MVB12A: variants seen among roughly 807,000 people sequenced by gnomAD.
MVB12A encodes CIN85/CD2AP family binding protein.
MVB12A carries 30 observed loss-of-function variants against 34.3 expected under a neutral mutation model. That is an observed-to-expected ratio of 0.88 (90% CI 0.65 to 1.19). The LOEUF (loss-of-function observed/expected upper bound fraction) is 1.19. MVB12A is among the 50% of genes most tolerant of loss of function. The pLI, the probability that MVB12A is intolerant of heterozygous loss-of-function variation, is 0.00. For missense variants in MVB12A, 355 were observed against 369.2 expected, an observed-to-expected ratio of 0.96 and a Z score of 0.31; for synonymous variants, 158 against 158.9, an observed-to-expected ratio of 0.99 and a Z score of 0.04.
At position 17,424,928 on chromosome 19, in the gene MVB12A, C is replaced by T; in HGVS notation, c.760-3C>T. On this transcript the variant is annotated splice_region_variant and splice_polypyrimidine_tract_variant and intron_variant, in intron 8 of 8. Transcript: ENST00000317040. Reference sequence around the variant, plus strand: ...GTTCACTCTCTCTCTCCCCATCCCCCAGTATAACTACGGCTTCGTGGTGGA... The same window carrying T: ...GTTCACTCTCTCTCTCCCCATCCCCTAGTATAACTACGGCTTCGTGGTGGA... The T allele has an allele frequency of 6.2e-7, 1 of 1,607,110 alleles. No homozygotes were observed. The highest frequency in any genetic ancestry group is 1.1e-5 in the South Asian group (1 of 90,352).
upstream of MVB12A, chr19:17,420,016 C>CGGGGGGGGGG: frequency 3.4e-6 from 1 of 290,394 alleles, no homozygotes; most frequent in Non-Finnish European, 5.6e-6. Flanking sequence ...GCAATCTCCG[C>CGGGGGGGGGG]CCCCCCCCCC....
chr19:17,420,274 G>A (rs753779719), intron 1 of MVB12A, 39 bp from the exon 2 acceptor site: 2 of 1,554,990 alleles, frequency 1.3e-6, no homozygotes, highest in East Asian at 2.3e-5. Flanking sequence ...CAGTCGCTGT[G>A]GGGTGGGAGT....
intron 8 of MVB12A, 111 bp downstream of exon 8, chr19:17,424,788 C>T (rs978255098): frequency 7.0e-7 from 1 of 1,433,822 alleles, no homozygotes; most frequent in Non-Finnish European, 9.5e-7. Context: ...CCCATCCCCG[C>T]TTTGCCCCAG....
chr19:17,419,478 A>C (rs558336554), upstream of MVB12A: 23 of 152,354 alleles, frequency 1.5e-4, no homozygotes, highest in African/African-American at 5.5e-4. Flanking sequence ...GTTATACCCA[A>C]GATTTCAAAG....
intron 3 of MVB12A, chr19:17,421,181 C>CT (rs10679842): frequency 0.23 from 71,669 of 305,648 alleles, 4,217 homozygotes; most frequent in African/African-American, 0.32. Flanking sequence ...GTTGGCAAAC[C>CT]TTTTTTTTTT....
upstream of MVB12A, among the ~76,000 whole-genome samples, chr19:17,416,066 C>G (rs2074797808): frequency 6.6e-6 from 1 of 152,176 alleles, no homozygotes; most frequent in Non-Finnish European, 1.5e-5. Flanking sequence ...GTTTAAATAA[C>G]AGGCCTTGCC....
chr19:17,419,483 T>A, upstream of MVB12A: 1 of 152,262 alleles, frequency 6.6e-6, no homozygotes, highest in East Asian at 1.9e-4. Context: ...ACCCAAGATT[T>A]CAAAGCTCAT....
At chr19:17,406,350 C>T (rs1294707149) in intron 2 of MVB12A, 2 of 152,220 alleles carry the variant, frequency 1.3e-5, no homozygotes. Context: ...CAGGGCCAGC[C>T]TCAGACACTG....
intron 2 of MVB12A, among the ~76,000 whole-genome samples, chr19:17,411,037 C>T (rs1490613510): frequency 6.8e-6 from 1 of 146,880 alleles, no homozygotes; most frequent in East Asian, 2.1e-4. Context: ...GGCGCGATCT[C>T]CACTCACTGC....
intron 3 of MVB12A, chr19:17,421,198 T>C: frequency 2.6e-6 from 1 of 392,020 alleles, no homozygotes; most frequent in South Asian, 1.8e-5. Flanking sequence ...TTTTTTTTTT[T>C]CTTCAGACGG....
chr19:17,422,295 G>A (rs2145762703), intron 3 of MVB12A, 37 bp from the exon 4 acceptor site: 1 of 1,586,912 alleles, frequency 6.3e-7, no homozygotes, highest in East Asian at 2.3e-5. Flanking sequence ...ACCCCTGCCT[G>A]GCTTCCCTCT....
rs1160673276 is a variant in MVB12A at position 17,422,169 on chromosome 19, T to C, written c.287-163T>C. Reference sequence around the variant, plus strand: ...AGGCTGCATGGAATCCCCTCCTTCATCTATACCATTCATGATTTAACCACT... The same window carrying C: ...AGGCTGCATGGAATCCCCTCCTTCACCTATACCATTCATGATTTAACCACT... On this transcript the variant is annotated intron_variant, in intron 3 of 8. Coordinates refer to ENST00000317040, the MANE Select transcript of MVB12A (RefSeq NM_138401.4). The C allele has an allele frequency of 5.5e-6, 3 of 549,808 alleles. No individual in the cohort carries two copies. The African/African-American group carries it at 5.7e-5, about 10-fold the overall frequency. 34.1% of individuals were successfully genotyped at this position (549,808 alleles called of 1,614,324 possible). A position where few individuals can be genotyped will look rare whatever the true frequency, so the allele number is the denominator to read the frequency against.
At chr19:17,417,758 G>A (rs946842046), upstream of MVB12A, 8 of 204,424 alleles carry the variant, frequency 3.9e-5, no homozygotes, top group East Asian at 1.3e-4. Flanking sequence ...TTCATTTCCC[G>A]ATCCTAGTGT....
rs755815945 is a variant in MVB12A, at chr19:17,420,547, G to A, written c.199G>A (p.Glu67Lys). 3.1e-5 allele frequency: 50 copies of A among 1,613,690 alleles called. 1 individual carries two copies. The South Asian group carries it at 5.2e-4, about 17-fold the overall frequency. ...SSLGSLENPQ[E>K]NVVADIQIVV... ...CCCCTTCCACCCCCAGAACCCGCAG[G>A]AGAACGTGGTGGCCGATATCCAGAT... is the stretch of plus-strand genomic sequence containing the variant. Residue 67 changes from glutamate (E) to lysine (K), a missense_variant, in exon 3 of 9, where the codon GAG becomes AAG. Physicochemically the swap from Glu to Lys is moderately conservative, Grantham distance 56 (BLOSUM62 1). Coordinates refer to ENST00000317040, the MANE Select transcript of MVB12A (RefSeq NM_138401.4).
At position 17,424,629 on chromosome 19, in the gene MVB12A, T is replaced by C; in HGVS notation, c.711T>C (p.Ser237=). 1 of 1,612,694 alleles carries C rather than the reference T, an allele frequency of 6.2e-7. No individual in the cohort carries two copies. The highest frequency in any genetic ancestry group is 8.5e-7 in the Non-Finnish European group (1 of 1,179,514). ...CCACCTCTGCCCGCCAGGCCTTCTCTGCTTTTGGGGACCTGACCATCAAGT... is the reference window on the plus strand; with the variant it reads ...CCACCTCTGCCCGCCAGGCCTTCTCCGCTTTTGGGGACCTGACCATCAAGT... ...EGKSCSPLAF[S]AFGDLTIKSL... is the part of the protein sequence containing the mutation. The change falls in exon 8 of 9, where the codon TCT becomes TCC. Residue 237 remains serine (S), a synonymous_variant. Coordinates refer to ENST00000317040, the MANE Select transcript of MVB12A (RefSeq NM_138401.4).
chr19:17,417,213 C>CTTTTTTTTTTTTGT (rs2074805966), upstream of MVB12A: 1 of 96,548 alleles, frequency 1.0e-5, no homozygotes, highest in African/African-American at 4.6e-5. Flanking sequence ...TCACCCAGAG[C>CTTTTTTTTTTTTGT]TTTTTTTTTT....
At chr19:17,411,596 G>T (rs1445780180) in intron 2 of MVB12A, among the ~76,000 whole-genome samples, 2 of 151,438 alleles carry the variant, frequency 1.3e-5, no homozygotes, top group Non-Finnish European at 2.9e-5. Context: ...GGGCTCAAGC[G>T]ATCCTCCTGC....
At chr19:17,415,827 C>T (rs2074796493), upstream of MVB12A, 1 of 152,270 alleles carries the variant, frequency 6.6e-6, no homozygotes, top group Non-Finnish European at 1.5e-5. Flanking sequence ...CCACTGCACT[C>T]CAGCCTCGGC....
chr19:17,407,830 G>T (rs1016934437), intron 2 of MVB12A, among the ~76,000 whole-genome samples: 1 of 152,196 alleles, frequency 6.6e-6, no homozygotes, highest in Non-Finnish European at 1.5e-5. Flanking sequence ...TCCCTTTCCC[G>T]GTCTGCTAAG....
Sources: gnomAD v4.1 joint callset for allele counts (sites outside exome capture counted in the v4.1 genomes callset) on GRCh38, gnomAD v4.1.1 for gene constraint, MANE v1.5 for transcripts, NCBI Gene and HGNC (gene_info 2026-07-23, HGNC 2026-07-21) for gene names.